LRP1B: variants seen among roughly 807,000 people sequenced by gnomAD.
LRP1B encodes LDL receptor related protein 1B.
In LRP1B, 217 loss-of-function variants were observed where a neutral mutation model predicts 556.6. That is an observed-to-expected ratio of 0.39 (90% CI 0.35 to 0.44). The LOEUF (loss-of-function observed/expected upper bound fraction) is 0.44. Among genes scored for constraint, LRP1B ranks in the 20% least tolerant of loss-of-function variants. The probability of loss-of-function intolerance (pLI) is 1.00; values close to 1 mark genes in which losing one functional copy is unlikely to be tolerated. For synonymous variants in LRP1B, 2,047 were observed against 1,865.8 expected (o/e 1.10, Z -2.50); for missense variants, 5,053 against 5,620.8 (o/e 0.90, Z 3.23).
chr2:141,998,465 C>A (rs552955516), intron 1 of LRP1B, among the ~76,000 whole-genome samples: 90 of 151,868 alleles, frequency 5.9e-4, no homozygotes, highest in African/African-American at 2.1e-3. Context: ...TTAAGTTCTC[C>A]GGTTGATTAA....
chr2:140,274,516 G>T lies in LRP1B; in HGVS notation c.13050C>A (p.Arg4350=). ...DGSVECVCPT[R]YEGPKCEVDK... Reference sequence around the variant, plus strand: ...CAACCTCACATTTTGGTCCTTCATAGCGCGTTGGACAGACACATTCAACAC... The same window carrying T: ...CAACCTCACATTTTGGTCCTTCATATCGCGTTGGACAGACACATTCAACAC... Residue 4350 remains arginine, a synonymous_variant, in exon 85 of 91, where the codon CGC becomes CGA. Coordinates refer to ENST00000389484, the MANE Select transcript of LRP1B (RefSeq NM_018557.3). The T allele has an allele frequency of 6.2e-7, 1 of 1,612,488 alleles. No individual in the cohort carries two copies. Among genetic ancestry groups the T allele is most frequent in the Admixed American group, 1.7e-5 (1 of 59,856 alleles).
chr2:141,482,112 G>C (rs1682941044), intron 2 of LRP1B, among the ~76,000 whole-genome samples: 1 of 151,970 alleles, frequency 6.6e-6, no homozygotes, highest in Non-Finnish European at 1.5e-5. Flanking sequence ...GCAGAAGTTT[G>C]CAATGTGATA....
At chr2:141,802,753 CTATAAAGAATAAAGCGTCCTCCG>C (rs1696049065) in intron 2 of LRP1B, among the ~76,000 whole-genome samples, 2 of 152,070 alleles carry the variant, frequency 1.3e-5, no homozygotes, top group African/African-American at 4.8e-5. Flanking sequence ...TATACACTGA[CTATAAAGAATAAAGCGTCCTCCG>C]GGAAGAAATG....
At chr2:140,773,828 A>G (rs1482067312) in intron 33 of LRP1B, among the ~76,000 whole-genome samples, 1 of 151,624 alleles carries the variant, frequency 6.6e-6, no homozygotes, top group African/African-American at 2.4e-5. Context: ...GTTAAATATA[A>G]AGTAGAAAAT....
At chr2:141,916,894 T>A (rs1700050801) in intron 1 of LRP1B, among the ~76,000 whole-genome samples, 1 of 152,140 alleles carries the variant, frequency 6.6e-6, no homozygotes, top group Admixed American at 6.5e-5. Context: ...GTAACAAACC[T>A]ACACATGTAA....
At chr2:141,534,611 T>C (rs1685005927) in intron 2 of LRP1B, among the ~76,000 whole-genome samples, 1 of 152,014 alleles carries the variant, frequency 6.6e-6, no homozygotes, top group African/African-American at 2.4e-5. Flanking sequence ...GGAAACAAAT[T>C]TGTATATATA....
chr2:141,427,425 G>A (rs1167327226), intron 3 of LRP1B, among the ~76,000 whole-genome samples: 2 of 152,114 alleles, frequency 1.3e-5, no homozygotes, highest in Admixed American at 6.6e-5. Flanking sequence ...AGAATATGAT[G>A]CTTATAATTA....
At chr2:140,403,743 G>T (rs1031095466) in intron 66 of LRP1B, among the ~76,000 whole-genome samples, 3 of 152,154 alleles carry the variant, frequency 2.0e-5, no homozygotes, top group Admixed American at 1.3e-4. Context: ...CCTTGCTAGA[G>T]ATTTAGATAT....
At chr2:140,451,233 C>T (rs757181016) in intron 62 of LRP1B, among the ~76,000 whole-genome samples, 7 of 152,140 alleles carry the variant, frequency 4.6e-5, no homozygotes, top group Non-Finnish European at 8.8e-5. Flanking sequence ...AAATAAATCA[C>T]GGCCCCAGCC....
At chr2:141,983,953 C>G (rs1373599112) in intron 1 of LRP1B, among the ~76,000 whole-genome samples, 2 of 152,010 alleles carry the variant, frequency 1.3e-5, no homozygotes, top group East Asian at 3.9e-4. Flanking sequence ...CCCAGCTACT[C>G]AGGAAGCTGA....
chr2:141,076,695 C>G (rs1328103875), intron 7 of LRP1B, among the ~76,000 whole-genome samples: 2 of 152,206 alleles, frequency 1.3e-5, no homozygotes, highest in East Asian at 3.9e-4. Context: ...AACCAGCCCT[C>G]TCTTCCCTGG....
chr2:141,806,482 C>A (rs546358769), intron 2 of LRP1B, among the ~76,000 whole-genome samples: 2 of 152,076 alleles, frequency 1.3e-5, no homozygotes, highest in Middle Eastern at 3.4e-3. Flanking sequence ...TTACCATATA[C>A]AATGGTAAGA....
chr2:141,801,936 A>G (rs138633542), intron 2 of LRP1B, among the ~76,000 whole-genome samples: 1 of 152,266 alleles, frequency 6.6e-6, no homozygotes, highest in East Asian at 1.9e-4. Context: ...TAGGGCTGCC[A>G]TAACAAAATA....
intron 83 of LRP1B, among the ~76,000 whole-genome samples, chr2:140,300,893 CGTTATT>C (rs748536057): frequency 3.0e-4 from 46 of 152,006 alleles, no homozygotes; most frequent in Non-Finnish European, 6.3e-4. Context: ...TTATTATTAT[CGTTATT>C]GTTATTATTT....
At chr2:141,368,687 T>C (rs1260325107) in intron 3 of LRP1B, among the ~76,000 whole-genome samples, 1 of 152,216 alleles carries the variant, frequency 6.6e-6, no homozygotes, top group Non-Finnish European at 1.5e-5. Context: ...TGATAATGCT[T>C]TATCACAGTT....
At chr2:140,385,081 C>G (rs1485877351) in intron 67 of LRP1B, among the ~76,000 whole-genome samples, 1 of 152,020 alleles carries the variant, frequency 6.6e-6, no homozygotes, top group Non-Finnish European at 1.5e-5. Flanking sequence ...GATCCCATCT[C>G]TACAACTAAT....
intron 2 of LRP1B, among the ~76,000 whole-genome samples, chr2:141,522,422 G>A (rs1684558594): frequency 6.8e-6 from 1 of 146,574 alleles, no homozygotes; most frequent in Non-Finnish European, 1.5e-5. Flanking sequence ...GTGGCAGGAA[G>A]AAGGGAAACG....
chr2:141,855,507 A>G (rs1698021475), intron 1 of LRP1B, among the ~76,000 whole-genome samples: 1 of 152,132 alleles, frequency 6.6e-6, no homozygotes, highest in African/African-American at 2.4e-5. Flanking sequence ...TGCCAAGCTC[A>G]TACATGCTTT....
chr2:140,799,367 G>C (rs1021414574), intron 32 of LRP1B, among the ~76,000 whole-genome samples: 2 of 152,100 alleles, frequency 1.3e-5, no homozygotes, highest in Admixed American at 6.6e-5. Flanking sequence ...AACCCGTCAA[G>C]AAGGCTATAA....
Sources: gnomAD v4.1 joint callset for allele counts (sites outside exome capture counted in the v4.1 genomes callset) on GRCh38, gnomAD v4.1.1 for gene constraint, MANE v1.5 for transcripts, NCBI Gene and HGNC (gene_info 2026-07-23, HGNC 2026-07-21) for gene names.